The following BRD4 variants were observed in gnomAD, a reference collection of about 807,000 sequenced individuals.
BRD4 encodes bromodomain containing 4, also known as bromodomain-containing protein 4.
Under a neutral mutation model 142.1 loss-of-function variants are expected in BRD4, and 16 were observed. The observed-to-expected ratio is 0.11, with a 90% CI of 0.08 to 0.17. The LOEUF (loss-of-function observed/expected upper bound fraction) is 0.17. Among genes scored for constraint, BRD4 ranks in the 10% least tolerant of loss-of-function variants. The pLI is 1.00. For synonymous variants in BRD4, 833 were observed against 707.5 expected, an observed-to-expected ratio of 1.18 and a Z score of -2.82; for missense variants, 1,424 against 1,810.9, an observed-to-expected ratio of 0.79 and a Z score of 3.88.
chr19:15,241,166 T>A (rs552861764), intron 14 of BRD4, among the ~76,000 whole-genome samples: 29 of 152,276 alleles, frequency 1.9e-4, no homozygotes, highest in African/African-American at 6.3e-4. Flanking sequence ...GGCGTTGACA[T>A]CTCCTCCAAT....
chr19:15,281,138 C>G (rs986501705), intron 1 of BRD4, among the ~76,000 whole-genome samples: 1 of 152,216 alleles, frequency 6.6e-6, no homozygotes, highest in Non-Finnish European at 1.5e-5. Flanking sequence ...CAGACTGCGC[C>G]GCCTGGAGCC....
intron 11 of BRD4, among the ~76,000 whole-genome samples, chr19:15,252,443 G>A (rs1169358197): frequency 6.6e-6 from 1 of 152,250 alleles, no homozygotes; most frequent in Non-Finnish European, 1.5e-5. Context: ...CAAAAACCCA[G>A]AGGAAGGCAA....
intron 1 of BRD4, among the ~76,000 whole-genome samples, chr19:15,318,905 G>A (rs1308702262): frequency 6.6e-6 from 1 of 152,232 alleles, no homozygotes; most frequent in African/African-American, 2.4e-5. Context: ...GCCCTGGGAA[G>A]GTTCACATCA....
chr19:15,266,835 GGA>G (rs995052232), intron 4 of BRD4, among the ~76,000 whole-genome samples: 18 of 152,162 alleles, frequency 1.2e-4, no homozygotes, highest in Non-Finnish European at 1.9e-4. Flanking sequence ...AGTAGCTGCT[GGA>G]GAGTTTCCTA....
intron 2 of BRD4, 97 bp downstream of exon 2, chr19:15,272,718 G>A: frequency 8.5e-7 from 1 of 1,176,250 alleles, no homozygotes; most frequent in South Asian, 1.5e-5. Flanking sequence ...GATTCCAAAT[G>A]CATCTCCTAC....
In BRD4 at chr19:15,255,204, G is replaced by C. The variant is rs913007267; in HGVS notation, c.2047+93C>G. The C allele has an allele frequency of 5.1e-5, 65 of 1,273,164 alleles. No individual in the cohort carries two copies. In the African/African-American group the frequency reaches 9.7e-4, roughly 19 times the overall value. 78.9% of individuals were successfully genotyped at this position (1,273,164 alleles called of 1,614,324 possible). On this transcript the variant is annotated intron_variant, in intron 10 of 19. Coordinates refer to ENST00000679869, the MANE Select transcript of BRD4 (RefSeq NM_001379291.1). ...ATTATAATTGGAAAAAAAAAAGGGGGGGGGCGCAGAAAGAGTGGACTGAGC... is the reference window on the plus strand; with the variant it reads ...ATTATAATTGGAAAAAAAAAAGGGGCGGGGCGCAGAAAGAGTGGACTGAGC...
At chr19:15,313,751 T>C (rs1201203688) in intron 1 of BRD4, among the ~76,000 whole-genome samples, 1 of 152,202 alleles carries the variant, frequency 6.6e-6, no homozygotes, top group South Asian at 2.1e-4. Flanking sequence ...TCTGTAATCA[T>C]GGAGTAAAAG....
At chr19:15,318,587 T>C (rs1315617842) in intron 1 of BRD4, among the ~76,000 whole-genome samples, 1 of 152,160 alleles carries the variant, frequency 6.6e-6, no homozygotes, top group East Asian at 1.9e-4. Flanking sequence ...CGTAAGCAAA[T>C]GTCCCGCAGC....
intron 1 of BRD4, among the ~76,000 whole-genome samples, chr19:15,288,462 T>C (rs149823965): frequency 9.1e-4 from 139 of 152,314 alleles, no homozygotes; most frequent in African/African-American, 3.3e-3. Flanking sequence ...GTTATAAACT[T>C]GGACAATCAC....
At chr19:15,298,141 T>C (rs1341490553) in intron 1 of BRD4, among the ~76,000 whole-genome samples, 1 of 152,198 alleles carries the variant, frequency 6.6e-6, no homozygotes, top group African/African-American at 2.4e-5. Context: ...TGGACTTTAT[T>C]ATAAGCAACA....
In BRD4 at chr19:15,321,764, G is replaced by A. The variant is rs150739420; in HGVS notation, c.-35+10526C>T. Among the ~76,000 whole-genome samples, 1,267 of 152,138 alleles carry A rather than the reference G, an allele frequency of 8.3e-3. 13 individuals carry two copies. The highest frequency in any genetic ancestry group is 0.012 in the Non-Finnish European group (798 of 68,010). On this transcript the variant is annotated intron_variant, in intron 1 of 19. Transcript: ENST00000679869. ...AGGAGAATAACATCTGAGAATAATC[G>A]ACAAGTAGCTTACCACACATGCACA...
intron 1 of BRD4, among the ~76,000 whole-genome samples, chr19:15,279,556 A>G (rs2047684800): frequency 6.6e-6 from 1 of 152,132 alleles, no homozygotes; most frequent in Admixed American, 6.5e-5. Context: ...CACTCATCAC[A>G]AAGCAGTCTG....
intron 10 of BRD4, 135 bp from the exon 11 acceptor site, chr19:15,254,397 C>A: frequency 1.4e-6 from 1 of 704,424 alleles, no homozygotes; most frequent in Non-Finnish European, 2.4e-6. Flanking sequence ...GGGCTGCTCC[C>A]AACTGCCAGC....
At position 15,236,075 on chromosome 19, in the gene BRD4, C is replaced by T. The variant is rs894039704; in HGVS notation, c.*2302G>A. 6.6e-6 allele frequency: 1 copy of T among 152,016 alleles called. No individual in the cohort carries two copies. The highest frequency in any genetic ancestry group is 2.1e-4 in the South Asian group (1 of 4,820). The allele number at this position is 152,016 out of a possible 1,614,324, so 9.4% of individuals were successfully genotyped here. ...ATGGACATCGAAGAAGTGGGGGGACCTCTGGCTGGATGCCTGAACCACACC... is the reference window on the plus strand; with the variant it reads ...ATGGACATCGAAGAAGTGGGGGGACTTCTGGCTGGATGCCTGAACCACACC... On this transcript the variant is annotated 3_prime_UTR_variant, in exon 20 of 20. Coordinates refer to ENST00000679869, the MANE Select transcript of BRD4 (RefSeq NM_001379291.1).
intron 7 of BRD4, among the ~76,000 whole-genome samples, chr19:15,258,480 T>C (rs775899815): frequency 6.6e-6 from 1 of 152,188 alleles, no homozygotes; most frequent in Non-Finnish European, 1.5e-5. Flanking sequence ...GGCAGCGTTC[T>C]ACCATGTTGG....
chr19:15,312,867 C>T (rs1311187919), intron 1 of BRD4, among the ~76,000 whole-genome samples: 1 of 152,002 alleles, frequency 6.6e-6, no homozygotes, highest in East Asian at 1.9e-4. Context: ...AGCCGGGAGG[C>T]AGAAGTTGCA....
chr19:15,240,491 G>C (rs2047230061), intron 14 of BRD4, among the ~76,000 whole-genome samples: 1 of 152,204 alleles, frequency 6.6e-6, no homozygotes, highest in Non-Finnish European at 1.5e-5. Flanking sequence ...GCAAGACCCA[G>C]TCCTGGGGGT....
At chr19:15,303,307 A>T (rs2047887227) in intron 1 of BRD4, among the ~76,000 whole-genome samples, 1 of 152,200 alleles carries the variant, frequency 6.6e-6, no homozygotes, top group Non-Finnish European at 1.5e-5. Flanking sequence ...ACTGTTTACA[A>T]TATTTTTCAT....
intron 1 of BRD4, among the ~76,000 whole-genome samples, chr19:15,300,872 G>A (rs979462387): frequency 1.3e-5 from 2 of 152,202 alleles, no homozygotes; most frequent in Non-Finnish European, 1.5e-5. Flanking sequence ...ACATCTGAGA[G>A]TTTCCTGTAA....
Sources: gnomAD v4.1 joint callset for allele counts (sites outside exome capture counted in the v4.1 genomes callset) on GRCh38, gnomAD v4.1.1 for gene constraint, MANE v1.5 for transcripts, NCBI Gene and HGNC (gene_info 2026-07-23, HGNC 2026-07-21) for gene names.